MAGI2: variants seen among roughly 807,000 people sequenced by gnomAD.
MAGI2 encodes membrane associated guanylate kinase, WW and PDZ domain containing 2, also known as membrane-associated guanylate kinase, WW and PDZ domain-containing protein 2.
Under a neutral mutation model 133.3 loss-of-function variants are expected in MAGI2, and 35 were observed. That is an observed-to-expected ratio of 0.26 (90% confidence interval 0.20 to 0.35). The LOEUF is 0.35. MAGI2 is among the 10% of genes least tolerant of loss of function. The pLI, the probability that MAGI2 is intolerant of heterozygous loss-of-function variation, is 1.00. For missense variants in MAGI2, 1,636 were observed against 1,863.4 expected, an observed-to-expected ratio of 0.88 and a Z score of 2.25; for synonymous variants, 729 against 710.6, an observed-to-expected ratio of 1.03 and a Z score of -0.41.
intron 2 of MAGI2, among the ~76,000 whole-genome samples, chr7:78,951,018 C>T (rs959182873): frequency 7.6e-5 from 11 of 145,640 alleles, no homozygotes; most frequent in Non-Finnish European, 1.3e-4. Context: ...GTCACCCAAG[C>T]GGGAGTGCAG....
intron 1 of MAGI2, among the ~76,000 whole-genome samples, chr7:79,084,743 C>A (rs1458708801): frequency 6.6e-6 from 1 of 151,680 alleles, no homozygotes; most frequent in Non-Finnish European, 1.5e-5. Context: ...ATTTGAGTCT[C>A]CAACTAATAC....
intron 3 of MAGI2, among the ~76,000 whole-genome samples, chr7:78,538,027 A>T (rs1401307621): frequency 2.0e-5 from 3 of 152,106 alleles, no homozygotes; most frequent in African/African-American, 7.2e-5. Flanking sequence ...ATAAGGAGAG[A>T]GATGAGGATC....
At chr7:78,586,940 G>A (rs565566719) in intron 3 of MAGI2, among the ~76,000 whole-genome samples, 1 of 152,196 alleles carries the variant, frequency 6.6e-6, no homozygotes, top group Admixed American at 6.5e-5. Context: ...ATATTCCATT[G>A]TATGTATATA....
chr7:78,623,649 G>T (rs184017246), intron 3 of MAGI2, among the ~76,000 whole-genome samples: 9 of 151,956 alleles, frequency 5.9e-5, no homozygotes, highest in Non-Finnish European at 1.3e-4. Context: ...CATCTCAGCC[G>T]CAATTTAGGC....
intron 7 of MAGI2, among the ~76,000 whole-genome samples, chr7:78,353,296 CT>C (rs1791712372): frequency 6.6e-6 from 1 of 152,220 alleles, no homozygotes. Flanking sequence ...AGTTTAAGTC[CT>C]TTACGTCTCA....
intron 1 of MAGI2, among the ~76,000 whole-genome samples, chr7:79,314,084 C>A (rs1444188873): frequency 6.6e-6 from 1 of 152,256 alleles, no homozygotes; most frequent in East Asian, 2.0e-4. Context: ...AGTGATTCTC[C>A]TGCCTCAGCC....
chr7:79,098,674 T>C (rs1247944831), intron 1 of MAGI2, among the ~76,000 whole-genome samples: 1 of 152,188 alleles, frequency 6.6e-6, no homozygotes, highest in Non-Finnish European at 1.5e-5. Flanking sequence ...TTGTTCCAAA[T>C]GCTGTCAAGA....
chr7:79,324,401 T>TAC lies in MAGI2; in HGVS notation c.301+128617_301+128618dup, dbSNP rs558104308. On this transcript the variant is annotated intron_variant, in intron 1 of 21. Transcript: ENST00000354212. ...TATACAGTGTGTATGTATATATATA[T>TAC]ACACACAACGTATCTATCTATAACC... is the stretch of plus-strand genomic sequence containing the variant. Among the ~76,000 whole-genome samples the TAC allele has an allele frequency of 2.4e-3, 234 of 96,318 alleles. 4 individuals carry two copies. Among genetic ancestry groups the TAC allele is most frequent in the Middle Eastern group, 4.5e-3 (1 of 220 alleles). 63.2% of individuals were successfully genotyped at this position (96,318 alleles called of 152,430 possible).
At chr7:79,296,259 T>C (rs1215780954) in intron 1 of MAGI2, among the ~76,000 whole-genome samples, 1 of 152,166 alleles carries the variant, frequency 6.6e-6, no homozygotes, top group Non-Finnish European at 1.5e-5. Context: ...CAGACTACAA[T>C]ATCAGAAATC....
At chr7:78,337,425 T>C (rs118170769) in intron 9 of MAGI2, among the ~76,000 whole-genome samples, 2 of 152,314 alleles carry the variant, frequency 1.3e-5, no homozygotes, top group East Asian at 3.9e-4. Context: ...AAAGAAATAA[T>C]TCCCAACTCT....
Position 79,453,111 on chromosome 7 carries a change from G to A in MAGI2, c.210C>T (p.Asn70=), listed in dbSNP as rs769788666. 18 of 1,613,702 alleles carry A rather than the reference G, an allele frequency of 1.1e-5. No homozygotes were observed. Among genetic ancestry groups the A allele is most frequent in the African/African-American group, 2.7e-5 (2 of 74,884 alleles). The change falls in exon 1 of 22, where the codon AAC becomes AAT. Residue 70 remains asparagine, a synonymous_variant. Coordinates refer to ENST00000354212, the MANE Select transcript of MAGI2 (RefSeq NM_012301.4). ...TGGTGAGCCCCGCCACGGGGGTCTC[G>A]TTCACCTCCAGCAGCAGCTCCTCCG... ...LVSEELLLEV[N]ETPVAGLTIR...
At chr7:78,201,820 T>C (rs1829281816) in intron 10 of MAGI2, among the ~76,000 whole-genome samples, 1 of 152,214 alleles carries the variant, frequency 6.6e-6, no homozygotes, top group Admixed American at 6.5e-5. Context: ...GAATCATGTA[T>C]CATGGAAGCC....
chr7:78,702,848 A>G (rs1239980470), intron 2 of MAGI2, among the ~76,000 whole-genome samples: 1 of 151,990 alleles, frequency 6.6e-6, no homozygotes, highest in East Asian at 1.9e-4. Context: ...TTTGTGAACA[A>G]TTGGGTGGAA....
intron 1 of MAGI2, among the ~76,000 whole-genome samples, chr7:79,331,501 A>C (rs1385932494): frequency 1.3e-5 from 2 of 152,160 alleles, no homozygotes; most frequent in African/African-American, 4.8e-5. Context: ...TTTTATATAG[A>C]TTAACTCCCA....
chr7:79,002,529 C>T (rs933997506), intron 2 of MAGI2, among the ~76,000 whole-genome samples: 3 of 151,892 alleles, frequency 2.0e-5, no homozygotes, highest in Non-Finnish European at 4.4e-5. Context: ...TTTTTAGTAG[C>T]TATAAAATAA....
At chr7:78,133,186 GT>G in intron 17 of MAGI2, 126 bp from the exon 18 acceptor site, 1 of 687,946 alleles carries the variant, frequency 1.5e-6, no homozygotes, top group South Asian at 2.2e-5. Flanking sequence ...TTTCTGCTAG[GT>G]TTTTAGATAG....
At chr7:78,218,121 A>G (rs1254839531) in intron 10 of MAGI2, among the ~76,000 whole-genome samples, 2 of 152,256 alleles carry the variant, frequency 1.3e-5, no homozygotes, top group Non-Finnish European at 2.9e-5. Flanking sequence ...GAAGTTTTCA[A>G]GAATATTTTA....
intron 1 of MAGI2, among the ~76,000 whole-genome samples, chr7:79,174,427 A>C (rs1381805237): frequency 1.3e-5 from 2 of 152,112 alleles, no homozygotes; most frequent in African/African-American, 4.8e-5. Context: ...TCACACATAC[A>C]CAAATGTGTG....
chr7:78,928,407 TAA>T (rs58577482), intron 2 of MAGI2, among the ~76,000 whole-genome samples: 1 of 148,178 alleles, frequency 6.7e-6, no homozygotes, highest in Non-Finnish European at 1.5e-5. Context: ...ACTAATTAAT[TAA>T]AAAAAAAACC....
Sources: allele counts gnomAD v4.1 joint callset (sites outside exome capture counted in the v4.1 genomes callset), GRCh38; gene constraint gnomAD v4.1.1; transcripts MANE v1.5; gene names NCBI Gene and HGNC (gene_info 2026-07-23, HGNC 2026-07-21).